Variants in MCTP2 observed in about 807,000 individuals in gnomAD.
MCTP2 encodes the protein multiple C2 and transmembrane domain-containing protein 2.
A neutral mutation model predicts 111.6 loss-of-function variants in MCTP2; 132 were observed. The ratio of observed to expected loss-of-function variants is 1.18; its 90% CI spans 1.03 to 1.37. The LOEUF is 1.37. Among genes scored for constraint, MCTP2 ranks in the 40% most tolerant of loss-of-function variants. MCTP2 has a pLI of 0.00. For missense variants in MCTP2, 1,183 were observed against 1,067.9 expected, an observed-to-expected ratio of 1.11 and a Z score of -1.50; for synonymous variants, 395 against 387.7, an observed-to-expected ratio of 1.02 and a Z score of -0.22.
intron 1 of MCTP2, among the ~76,000 whole-genome samples, chr15:94,292,511 A>G (rs1397099965): frequency 6.6e-6 from 1 of 152,212 alleles, no homozygotes; most frequent in Non-Finnish European, 1.5e-5. Context: ...ATGAAAAGCC[A>G]TTTACAATAG....
chr15:94,276,138 C>T (rs1207918999), intron 1 of MCTP2, among the ~76,000 whole-genome samples: 1 of 152,132 alleles, frequency 6.6e-6, no homozygotes, highest in Admixed American at 6.5e-5. Context: ...GCCACCGTGC[C>T]TGGCCTTTAT....
chr15:94,244,024 CGTATGTGTATATATTGCACACATAT>C (rs1362001650), intron 1 of MCTP2, among the ~76,000 whole-genome samples: 1 of 144,674 alleles, frequency 6.9e-6, no homozygotes, highest in East Asian at 2.1e-4. Flanking sequence ...TATACACATA[CGTATGTGTATATATTGCACACATAT>C]GTATACACAT....
intron 21 of MCTP2, among the ~76,000 whole-genome samples, chr15:94,473,758 T>G (rs2074115771): frequency 6.6e-6 from 1 of 152,184 alleles, no homozygotes; most frequent in Non-Finnish European, 1.5e-5. Context: ...TGGAAGACAC[T>G]CAGAATTTGA....
Position 94,387,868 on chromosome 15 carries a change from G to GT in MCTP2, c.1788+2344dup, listed in dbSNP as rs2080605095. Among the ~76,000 whole-genome samples, 4 of 152,322 alleles carry GT rather than the reference G, an allele frequency of 2.6e-5. No homozygotes were observed. In the South Asian group the frequency reaches 8.3e-4, roughly 32 times the overall value. On this transcript the variant is annotated intron_variant, in intron 14 of 22. Coordinates refer to ENST00000357742, the MANE Select transcript of MCTP2 (RefSeq NM_001385001.1). Reference sequence around the variant, plus strand: ...GGCATTTGAGTGGGAACGTAAGGAGGTGAGGGAGAGAGCCATGTGGATATC... The same window carrying GT: ...GGCATTTGAGTGGGAACGTAAGGAGGTTGAGGGAGAGAGCCATGTGGATATC...
chr15:94,357,568 T>TG (rs1337819017), intron 9 of MCTP2, among the ~76,000 whole-genome samples: 39 of 152,102 alleles, frequency 2.6e-4, no homozygotes, highest in African/African-American at 3.9e-4. Context: ...TGTTTTTGTT[T>TG]TTTTCCCAAC....
chr15:94,352,888 C>T (rs549035673), intron 8 of MCTP2, among the ~76,000 whole-genome samples: 1 of 152,296 alleles, frequency 6.6e-6, no homozygotes, highest in South Asian at 2.1e-4. Flanking sequence ...CCTCATCAAA[C>T]CTATCAAGTA....
At chr15:94,330,189 T>G (rs12914764) in intron 4 of MCTP2, among the ~76,000 whole-genome samples, 71,029 of 152,010 alleles carry the variant, frequency 0.47, 16,744 homozygotes, top group Admixed American at 0.53. Context: ...GTAAAGCATG[T>G]CTATCTCCTT....
intron 1 of MCTP2, among the ~76,000 whole-genome samples, chr15:94,280,827 G>T (rs1224487577): frequency 6.6e-6 from 1 of 152,064 alleles, no homozygotes; most frequent in Non-Finnish European, 1.5e-5. Context: ...CTTGATTTCT[G>T]CCTTAATTTC....
At chr15:94,376,712 T>C (rs1466083692) in intron 12 of MCTP2, among the ~76,000 whole-genome samples, 1 of 152,224 alleles carries the variant, frequency 6.6e-6, no homozygotes, top group Non-Finnish European at 1.5e-5. Context: ...ATAACCACTT[T>C]TATCTCTTCA....
chr15:94,317,575 G>T (rs2076427934), intron 4 of MCTP2, among the ~76,000 whole-genome samples: 2 of 152,292 alleles, frequency 1.3e-5, no homozygotes, highest in South Asian at 4.1e-4. Flanking sequence ...ACACTGAGCT[G>T]CACTGGCCAT....
chr15:94,324,951 A>G (rs1164536099), intron 4 of MCTP2, among the ~76,000 whole-genome samples: 1 of 152,198 alleles, frequency 6.6e-6, no homozygotes, highest in Non-Finnish European at 1.5e-5. Flanking sequence ...TGTATTGTAT[A>G]CTGAGCAGCG....
At position 94,304,062 on chromosome 15, in the gene MCTP2, A is replaced by T. The variant is rs570808457; in HGVS notation, c.465+5332A>T. On this transcript the variant is annotated intron_variant, in intron 2 of 22. Transcript: ENST00000357742. ...TAACTGTCCAGTGGTCATCTAGCTC[A>T]GAGGACTGACTCATGATAACCAGAT... 7.4e-4 allele frequency among the ~76,000 whole-genome samples: 112 copies of T among 152,356 alleles called. 1 individual carries two copies. Among genetic ancestry groups the T allele is most frequent in the African/African-American group, 2.5e-3 (106 of 41,590 alleles).
chr15:94,439,264 G>A (rs545588483), intron 17 of MCTP2, among the ~76,000 whole-genome samples: 1 of 150,350 alleles, frequency 6.7e-6, no homozygotes, highest in South Asian at 2.2e-4. Context: ...TTTTGGAAAG[G>A]AAGATTTCAT....
At chr15:94,325,811 G>GCTTTTTTTTTT (rs1567428361) in intron 4 of MCTP2, among the ~76,000 whole-genome samples, 1 of 89,274 alleles carries the variant, frequency 1.1e-5, no homozygotes, top group African/African-American at 5.9e-5. Context: ...CCATCGCTCC[G>GCTTTTTTTTTT]ATTTTTTTTT....
At chr15:94,378,892 C>T (rs985030218) in intron 12 of MCTP2, among the ~76,000 whole-genome samples, 3 of 152,140 alleles carry the variant, frequency 2.0e-5, no homozygotes, top group South Asian at 2.1e-4. Flanking sequence ...CAGTGCTTTG[C>T]ACATTCTGAG....
At chr15:94,378,396 C>T (rs1267083851) in intron 12 of MCTP2, among the ~76,000 whole-genome samples, 1 of 151,608 alleles carries the variant, frequency 6.6e-6, no homozygotes, top group Non-Finnish European at 1.5e-5. Context: ...GTGGCATGTC[C>T]TTGTAGTCCT....
intron 1 of MCTP2, among the ~76,000 whole-genome samples, chr15:94,273,087 G>T (rs1259726399): frequency 6.6e-5 from 10 of 152,176 alleles, no homozygotes. Context: ...AGTAGGGCTG[G>T]ACTCAATAGT....
intron 8 of MCTP2, 119 bp downstream of exon 8, chr15:94,345,283 C>T: frequency 1.0e-6 from 1 of 992,118 alleles, no homozygotes; most frequent in South Asian, 1.5e-5. Flanking sequence ...TTCTTTTCCT[C>T]TTACTGCTGT....
At chr15:94,436,146 G>T (rs2083465601) in intron 17 of MCTP2, among the ~76,000 whole-genome samples, 1 of 152,142 alleles carries the variant, frequency 6.6e-6, no homozygotes, top group African/African-American at 2.4e-5. Context: ...GCGCTCTGCA[G>T]TGGCTCTGGT....
Sources: allele counts gnomAD v4.1 joint callset (sites outside exome capture counted in the v4.1 genomes callset), GRCh38; gene constraint gnomAD v4.1.1; transcripts MANE v1.5; gene names NCBI Gene and HGNC (gene_info 2026-07-23, HGNC 2026-07-21).